The following ASAP2 variants were observed in gnomAD, a reference collection of about 807,000 sequenced individuals.
ASAP2 encodes ArfGAP with SH3 domain, ankyrin repeat and PH domain 2.
Under a neutral mutation model 131.4 loss-of-function variants are expected in ASAP2, and 45 were observed. That is an observed-to-expected ratio of 0.34 (90% CI 0.27 to 0.44). The LOEUF (loss-of-function observed/expected upper bound fraction) is 0.44, where lower values mean the gene tolerates loss of function less well. ASAP2 is among the 20% of genes least tolerant of loss of function. ASAP2 has a pLI of 1.00. For synonymous variants in ASAP2, 510 were observed against 503.0 expected (o/e 1.01, Z -0.19); for missense variants, 1,011 against 1,297.0 (o/e 0.78, Z 3.39).
chr2:9,352,415 C>T (rs1194431113), intron 12 of ASAP2, among the ~76,000 whole-genome samples: 1 of 152,202 alleles, frequency 6.6e-6, no homozygotes, highest in Non-Finnish European at 1.5e-5. Context: ...AGAAGCCATG[C>T]GTTAAAATGC....
At chr2:9,371,955 C>G (rs1278598274) in intron 16 of ASAP2, among the ~76,000 whole-genome samples, 1 of 152,160 alleles carries the variant, frequency 6.6e-6, no homozygotes, top group African/African-American at 2.4e-5. Context: ...TCTGAGGGAT[C>G]ACATTAGCAA....
chr2:9,377,654 TGGA>T (rs1307022966), intron 18 of ASAP2, among the ~76,000 whole-genome samples: 4 of 152,182 alleles, frequency 2.6e-5, no homozygotes, highest in Non-Finnish European at 5.9e-5. Flanking sequence ...ATGTGTGTAC[TGGA>T]GGAGGAGGAG....
At chr2:9,270,927 G>A (rs1666333392) in intron 1 of ASAP2, among the ~76,000 whole-genome samples, 1 of 151,088 alleles carries the variant, frequency 6.6e-6, no homozygotes, top group African/African-American at 2.4e-5. Flanking sequence ...CGAGTAGCTG[G>A]GACTACAGGT....
intron 24 of ASAP2, among the ~76,000 whole-genome samples, chr2:9,397,819 C>T (rs1411169071): frequency 1.6e-5 from 2 of 122,248 alleles, no homozygotes; most frequent in Admixed American, 1.1e-4. Context: ...AGTGCAGTGG[C>T]TCGATCTCTG....
chr2:9,328,053 C>T lies in ASAP2; in HGVS notation c.686+142C>T, dbSNP rs545966971. The stretch of plus-strand genomic sequence containing the variant: ...TGAGGTGCTGACTCATGCGACAACA[C>T]GGGTAAACATTGAGAACACGTTCAA... On this transcript the variant is annotated intron_variant, in intron 7 of 27. Transcript: ENST00000281419. 1.3e-3 allele frequency: 709 copies of T among 562,708 alleles called. 9 individuals carry two copies. Among genetic ancestry groups the T allele is most frequent in the South Asian group, 3.4e-3 (124 of 36,722 alleles). 34.9% of individuals were successfully genotyped at this position (562,708 alleles called of 1,614,324 possible). A position where few individuals can be genotyped will look rare whatever the true frequency, so the allele number is the denominator to read the frequency against.
At chr2:9,358,727 G>T (rs1220740464) in intron 14 of ASAP2, 29 bp from the exon 15 acceptor site, 2 of 1,597,208 alleles carry the variant, frequency 1.3e-6, no homozygotes. Flanking sequence ...TTTACTGGAA[G>T]CTCAAATCTG....
At chr2:9,385,191 G>A in intron 20 of ASAP2, 54 bp from the exon 21 acceptor site, 1 of 1,389,596 alleles carries the variant, frequency 7.2e-7, no homozygotes, top group South Asian at 1.2e-5. Context: ...AGTGGGTCCA[G>A]ATGCATGGCC....
intron 1 of ASAP2, among the ~76,000 whole-genome samples, chr2:9,267,366 G>A (rs1666014651): frequency 6.6e-6 from 1 of 151,984 alleles, no homozygotes. Flanking sequence ...TCAACATTTA[G>A]CTCCCACTTA....
At chr2:9,303,085 C>T (rs1668601959) in intron 3 of ASAP2, among the ~76,000 whole-genome samples, 1 of 152,166 alleles carries the variant, frequency 6.6e-6, no homozygotes. Context: ...TAGACTTTCT[C>T]CTAACTTCTT....
chr2:9,371,497 C>A (rs1673952465), intron 16 of ASAP2, among the ~76,000 whole-genome samples: 1 of 152,186 alleles, frequency 6.6e-6, no homozygotes, highest in Non-Finnish European at 1.5e-5. Context: ...TATTTTACTT[C>A]CAGATGAAAA....
intron 24 of ASAP2, among the ~76,000 whole-genome samples, chr2:9,398,653 C>T (rs1041162923): frequency 1.1e-4 from 17 of 151,958 alleles, no homozygotes; most frequent in African/African-American, 3.9e-4. Context: ...ACTGAAAATA[C>T]AAAAAATTTG....
At chr2:9,297,258 G>T (rs775978016) in intron 2 of ASAP2, 42 bp from the exon 3 acceptor site, 1 of 1,602,994 alleles carries the variant, frequency 6.2e-7, no homozygotes, top group Non-Finnish European at 8.5e-7. Flanking sequence ...GAGTGAGGGT[G>T]GCATGCCTGA....
chr2:9,375,997 G>C (rs1335134076), intron 17 of ASAP2, among the ~76,000 whole-genome samples: 1 of 152,252 alleles, frequency 6.6e-6, no homozygotes, highest in Non-Finnish European at 1.5e-5. Context: ...CATGTGTCCA[G>C]ATTCTGGTCC....
chr2:9,357,866 G>A (rs1310721463), intron 14 of ASAP2, among the ~76,000 whole-genome samples: 2 of 152,200 alleles, frequency 1.3e-5, no homozygotes, highest in East Asian at 3.8e-4. Context: ...CCTGCCGTGA[G>A]TTTCTCAGGG....
intron 2 of ASAP2, among the ~76,000 whole-genome samples, chr2:9,290,179 A>G (rs769971553): frequency 3.3e-5 from 5 of 152,080 alleles, no homozygotes; most frequent in Non-Finnish European, 7.4e-5. Context: ...TGGGAGAGAA[A>G]GACATATTCT....
chr2:9,397,727 G>GATATATATATATATATAT (rs200560260), intron 24 of ASAP2, among the ~76,000 whole-genome samples: 8 of 83,510 alleles, frequency 9.6e-5, no homozygotes, highest in African/African-American at 6.2e-4. Context: ...AAATCAAAAG[G>GATATATATATATATATAT]ATATATATAT....
At chr2:9,368,650 T>C (rs1673673648) in intron 16 of ASAP2, 131 bp downstream of exon 16, 1 of 724,906 alleles carries the variant, frequency 1.4e-6, no homozygotes, top group South Asian at 1.7e-5. Context: ...CAGCCTATGT[T>C]GGGTTTTCTT....
In ASAP2 at chr2:9,207,006, G is replaced by T. The variant is rs1179647417; in HGVS notation, c.-99G>T. 22 of 1,061,102 alleles carry T rather than the reference G, an allele frequency of 2.1e-5. No homozygotes were observed. In the South Asian group the frequency reaches 7.8e-4, roughly 38 times the overall value. The allele number at this position is 1,061,102 out of a possible 1,614,324, so 65.7% of individuals were successfully genotyped here. ...CCCTTTGTCCGCGGGCCGGAGCGGC[G>T]GCGGCAGCGGCGGTGTCCGAGCGGC... On this transcript the variant is annotated 5_prime_UTR_variant, in exon 1 of 28. Transcript: ENST00000281419. The surrounding 1 kb of genome is among the most constrained non-coding windows in gnomAD (Gnocchi z 4.1).
intron 2 of ASAP2, among the ~76,000 whole-genome samples, chr2:9,293,232 G>T (rs1484944414): frequency 6.6e-6 from 1 of 152,110 alleles, no homozygotes; most frequent in East Asian, 1.9e-4. Flanking sequence ...CCTTTTGCAG[G>T]GATTGATGGG....
Sources: allele counts gnomAD v4.1 joint callset (sites outside exome capture counted in the v4.1 genomes callset), GRCh38; gene constraint gnomAD v4.1.1; non-coding constraint Gnocchi (gnomAD v3.1); transcripts MANE v1.5; gene names NCBI Gene and HGNC (gene_info 2026-07-23, HGNC 2026-07-21).